RPRML: variants seen among roughly 807,000 people sequenced by gnomAD.
RPRML encodes the protein reprimo-like protein.
RPRML carries 4 observed loss-of-function variants against 5.2 expected under a neutral mutation model. The observed-to-expected ratio is 0.77, with a 90% CI of 0.38 to 1.76. The LOEUF (loss-of-function observed/expected upper bound fraction) is 1.76, where lower values mean the gene tolerates loss of function less well. Among genes scored for constraint, RPRML ranks in the 40% most tolerant of loss-of-function variants. The probability of loss-of-function intolerance (pLI) is 0.04; values close to 1 mark genes in which losing one functional copy is unlikely to be tolerated. For synonymous variants in RPRML, 79 were observed against 89.1 expected (o/e 0.89, Z 0.64); for missense variants, 181 against 177.7 (o/e 1.02, Z -0.11).
Position 46,978,876 on chromosome 17 carries a change from CG to C in RPRML, c.131del (p.Pro44ArgfsTer55). 1 of 1,559,524 alleles carries C rather than the reference CG, an allele frequency of 6.4e-7. No homozygotes were observed. The highest frequency in any genetic ancestry group is 8.6e-7 in the Non-Finnish European group (1 of 1,156,372). ...TWLGCCPGGA[P>X]LAASDGVPAG... Reference sequence around the variant, plus strand: ...CGGGGACCCCGTCGCTGGCGGCCAGCGGTGCGCCCCCTGGACAGCAGCCCAG... The same window carrying C: ...CGGGGACCCCGTCGCTGGCGGCCAGCGTGCGCCCCCTGGACAGCAGCCCAG... On this transcript the variant is annotated frameshift_variant, in exon 1 of 1. Transcript: ENST00000322329. LOFTEE classifies it high-confidence loss of function.
Position 46,979,170 on chromosome 17 carries a change from T to G in RPRML, c.-163A>C. ...GCTGCCTGCGCGCTCTCGGGCCGCC[T>G]ACCCCTGGGCACCGGGCGGGAAGCG... On this transcript the variant is annotated 5_prime_UTR_variant, in exon 1 of 1. Transcript: ENST00000322329. 2 of 719,318 alleles carry G rather than the reference T, an allele frequency of 2.8e-6. No individual in the cohort carries two copies. Among genetic ancestry groups the G allele is most frequent in the Non-Finnish European group, 4.0e-6 (2 of 500,924 alleles). 44.6% of individuals were successfully genotyped at this position (719,318 alleles called of 1,614,324 possible).
At position 46,979,065 on chromosome 17, in the gene RPRML, G is replaced by C; in HGVS notation, c.-58C>G. The C allele has an allele frequency of 7.5e-7, 1 of 1,325,738 alleles. No individual in the cohort carries two copies. Among genetic ancestry groups the C allele is most frequent in the East Asian group, 3.2e-5 (1 of 31,542 alleles). The allele number at this position is 1,325,738 out of a possible 1,614,324, so 82.1% of individuals were successfully genotyped here. A position where few individuals can be genotyped will look rare whatever the true frequency, so the allele number is the denominator to read the frequency against. ...TCCCGGGTGCACTGGGCTGCTCGCC[G>C]GGGTCCGCGCTCTCAGGGACGCTCC... is the stretch of plus-strand genomic sequence containing the variant. On this transcript the variant is annotated 5_prime_UTR_variant, in exon 1 of 1. Transcript: ENST00000322329.
In RPRML at chr17:46,978,665, C is replaced by T. The variant is rs2091465760; in HGVS notation, c.343G>A (p.Ala115Thr). 6.2e-7 allele frequency: 1 copy of T among 1,608,178 alleles called. No homozygotes were observed. The highest frequency in any genetic ancestry group is 8.5e-7 in the Non-Finnish European group (1 of 1,177,920). ...GGCGCTCAGTACAGCCCCAGGATGG[C>T]TGCGCCCACGTCCTTGGAGGGCCGG... is the stretch of plus-strand genomic sequence containing the variant. ...ERRPSKDVGAAILGLY is the reference protein window; with the variant it reads ...ERRPSKDVGATILGLY Residue 115 changes from alanine to threonine, a missense_variant, in exon 1 of 1, where the codon GCC becomes ACC. By Grantham distance (58) the Ala-to-Thr change is moderately conservative. Transcript: ENST00000322329.
rs2091469723 is a variant in RPRML, at chr17:46,979,000, G to A, written c.8C>T (p.Ala3Val). 4 of 1,413,338 alleles carry A rather than the reference G, an allele frequency of 2.8e-6. No homozygotes were observed. Among genetic ancestry groups the A allele is most frequent in the South Asian group, 1.5e-5 (1 of 66,974 alleles). 87.5% of individuals were successfully genotyped at this position (1,413,338 alleles called of 1,614,324 possible). A position where few individuals can be genotyped will look rare whatever the true frequency, so the allele number is the denominator to read the frequency against. Residue 3 changes from alanine (A) to valine (V), a missense_variant, in exon 1 of 1, where the codon GCG (alanine) becomes GTG (valine). Physicochemically the swap from Ala to Val is moderately conservative, Grantham distance 64. Transcript: ENST00000322329. Reference protein sequence around the residue: MNATFLNHSGLEE... With the variant: MNVTFLNHSGLEE... Reference sequence around the variant, plus strand: ...CAAGCCGCTGTGGTTCAGGAAGGTCGCGTTCATCGCCGCGCGGCGCCGGGG... The same window carrying A: ...CAAGCCGCTGTGGTTCAGGAAGGTCACGTTCATCGCCGCGCGGCGCCGGGG...
rs1410262671 is a variant in RPRML, at chr17:46,978,818, C to A, written c.190G>T (p.Val64Leu). 2.5e-6 allele frequency: 4 copies of A among 1,609,524 alleles called. No individual in the cohort carries two copies. The highest frequency in any genetic ancestry group is 3.4e-6 in the Non-Finnish European group (4 of 1,178,624). Residue 64 changes from valine to leucine, a missense_variant, in exon 1 of 1, where the codon GTG becomes TTG. Coordinates refer to ENST00000322329, the MANE Select transcript of RPRML (RefSeq NM_203400.5). ...GLAPDERSLWVSRVAQIAVLC... is the reference protein window; with the variant it reads ...GLAPDERSLWLSRVAQIAVLC... ...ACGGCGATCTGCGCCACCCGCGACA[C>A]CCACAGGCTGCGCTCGTCGGGCGCC... is the stretch of plus-strand genomic sequence containing the variant.
At position 46,979,199 on chromosome 17, in the gene RPRML, G is replaced by T. The variant is rs2091471587; in HGVS notation, c.-192C>A. The T allele has an allele frequency of 4.2e-6, 2 of 477,764 alleles. No individual in the cohort carries two copies. The highest frequency in any genetic ancestry group is 6.8e-5 in the South Asian group (1 of 14,730). 29.6% of individuals were successfully genotyped at this position (477,764 alleles called of 1,614,324 possible). A position where few individuals can be genotyped will look rare whatever the true frequency, so the allele number is the denominator to read the frequency against. ...CCTGGGCACCGGGCGGGAAGCGACC[G>T]CCCGGAGGAGCGAGCAACAGGCGGC... On this transcript the variant is annotated 5_prime_UTR_variant, in exon 1 of 1. Coordinates refer to ENST00000322329, the MANE Select transcript of RPRML (RefSeq NM_203400.5).
rs1433706584 is a variant in RPRML, at chr17:46,978,951, G to A, written c.57C>T (p.Gly19=). 3.4e-6 allele frequency: 5 copies of A among 1,452,620 alleles called. No homozygotes were observed. Among genetic ancestry groups the A allele is most frequent in the South Asian group, 1.3e-5 (1 of 74,182 alleles). The allele number at this position is 1,452,620 out of a possible 1,614,324, so 90.0% of individuals were successfully genotyped here. A position where few individuals can be genotyped will look rare whatever the true frequency, so the allele number is the denominator to read the frequency against. Residue 19 remains glycine (G), a synonymous_variant, in exon 1 of 1, where the codon GGC becomes GGT. Coordinates refer to ENST00000322329, the MANE Select transcript of RPRML (RefSeq NM_203400.5). ...SGLEEVDGVG[G]GAGAALGNRT... is the part of the protein sequence containing the mutation. Reference sequence around the variant, plus strand: ...GGTTTCCCAGGGCGGCCCCGGCGCCGCCGCCCACGCCGTCCACCTCCTCCA... The same window carrying A: ...GGTTTCCCAGGGCGGCCCCGGCGCCACCGCCCACGCCGTCCACCTCCTCCA...
chr17:46,978,570 A>T lies in RPRML; in HGVS notation c.*75T>A, dbSNP rs1180397405. On this transcript the variant is annotated 3_prime_UTR_variant, in exon 1 of 1. Coordinates refer to ENST00000322329, the MANE Select transcript of RPRML (RefSeq NM_203400.5). ...CCGCCCGGAGGCGGCGGCAGAGCGC[A>T]GAGAGCGGGGCGAGGGTCCGGGTCT... 1.3e-6 allele frequency: 2 copies of T among 1,487,458 alleles called. No individual in the cohort carries two copies. The highest frequency in any genetic ancestry group is 5.3e-5 in the East Asian group (2 of 37,470). 92.1% of individuals were successfully genotyped at this position (1,487,458 alleles called of 1,614,324 possible).
Position 46,979,125 on chromosome 17 carries a change from G to A in RPRML, c.-118C>T, listed in dbSNP as rs1451580942. On this transcript the variant is annotated 5_prime_UTR_variant, in exon 1 of 1. Transcript: ENST00000322329. ...GGACCGGCTCCTGCGGTACGGGGAG[G>A]GGACGAAGGCGGGAGGCTGGCTGCC... 1.8e-6 allele frequency: 2 copies of A among 1,108,710 alleles called. No homozygotes were observed. Among genetic ancestry groups the A allele is most frequent in the Non-Finnish European group, 2.3e-6 (2 of 856,082 alleles). 68.7% of individuals were successfully genotyped at this position (1,108,710 alleles called of 1,614,324 possible).
chr17:46,978,674 C>A lies in RPRML; in HGVS notation c.334G>T (p.Val112Leu). Reference sequence around the variant, plus strand: ...TACAGCCCCAGGATGGCTGCGCCCACGTCCTTGGAGGGCCGGCGCTCCTGC... The same window carrying A: ...TACAGCCCCAGGATGGCTGCGCCCAAGTCCTTGGAGGGCCGGCGCTCCTGC... ...LVQERRPSKD[V>L]GAAILGLY is the part of the protein sequence containing the mutation. Residue 112 changes from valine to leucine, a missense_variant, in exon 1 of 1, where the codon GTG (valine) becomes TTG (leucine). Transcript: ENST00000322329. The A allele has an allele frequency of 1.9e-6, 3 of 1,609,482 alleles. No homozygotes were observed. Among genetic ancestry groups the A allele is most frequent in the East Asian group, 4.5e-5 (2 of 44,708 alleles).
chr17:46,978,935 G>T lies in RPRML; in HGVS notation c.73C>A (p.Leu25Met), dbSNP rs79497126. 0.11 allele frequency: 157,818 copies of T among 1,456,530 alleles called. 9,276 individuals carry two copies. Among genetic ancestry groups the T allele is most frequent in the South Asian group, 0.21 (15,777 of 74,256 alleles). 90.2% of individuals were successfully genotyped at this position (1,456,530 alleles called of 1,614,324 possible). The change falls in exon 1 of 1, where the codon CTG becomes ATG. Residue 25 changes from leucine (L) to methionine (M), a missense_variant. Physicochemically the swap from Leu to Met is conservative, Grantham distance 15. Transcript: ENST00000322329. ...DGVGGGAGAALGNRTHGLGTW... is the reference protein window; with the variant it reads ...DGVGGGAGAAMGNRTHGLGTW... The stretch of plus-strand genomic sequence containing the variant: ...CCCAGCCCGTGGGTGCGGTTTCCCA[G>T]GGCGGCCCCGGCGCCGCCGCCCACG...
Position 46,978,669 on chromosome 17 carries a change from G to A in RPRML, c.339C>T (p.Gly113=), listed in dbSNP as rs1433193596. ...CTCAGTACAGCCCCAGGATGGCTGC[G>A]CCCACGTCCTTGGAGGGCCGGCGCT... ...VQERRPSKDV[G]AAILGLY is the part of the protein sequence containing the mutation. The change falls in exon 1 of 1, where the codon GGC becomes GGT. Residue 113 remains glycine (G), a synonymous_variant. Coordinates refer to ENST00000322329, the MANE Select transcript of RPRML (RefSeq NM_203400.5). The A allele has an allele frequency of 1.2e-6, 2 of 1,608,690 alleles. No homozygotes were observed. The highest frequency in any genetic ancestry group is 1.3e-5 in the African/African-American group (1 of 74,708).
rs971626367 is a variant in RPRML, at chr17:46,979,136, G to T, written c.-129C>A. 3 of 1,036,672 alleles carry T rather than the reference G, an allele frequency of 2.9e-6. No homozygotes were observed. In the African/African-American group the frequency reaches 5.1e-5, roughly 18 times the overall value. 64.2% of individuals were successfully genotyped at this position (1,036,672 alleles called of 1,614,324 possible). On this transcript the variant is annotated 5_prime_UTR_variant, in exon 1 of 1. Coordinates refer to ENST00000322329, the MANE Select transcript of RPRML (RefSeq NM_203400.5). ...TGCGGTACGGGGAGGGGACGAAGGC[G>T]GGAGGCTGGCTGCCTGCGCGCTCTC...
In RPRML at chr17:46,978,756, G is replaced by A; in HGVS notation, c.252C>T (p.Val84=). 1.2e-6 allele frequency: 2 copies of A among 1,612,728 alleles called. No homozygotes were observed. The highest frequency in any genetic ancestry group is 2.2e-5 in the East Asian group (1 of 44,840). Reference sequence around the variant, plus strand: ...TGAGCAGGTTGCAGCCCAGGAAGAAGACGCCGAAGACCACGGTAAGCGACA... The same window carrying A: ...TGAGCAGGTTGCAGCCCAGGAAGAAAACGCCGAAGACCACGGTAAGCGACA... ...CVLSLTVVFG[V]FFLGCNLLIK... is the part of the protein sequence containing the mutation. Residue 84 remains valine (V), a synonymous_variant, in exon 1 of 1, where the codon GTC becomes GTT. Transcript: ENST00000322329.
In RPRML at chr17:46,978,870, G is replaced by A. The variant is rs765515904; in HGVS notation, c.138C>T (p.Ala46=). The change falls in exon 1 of 1, where the codon GCC becomes GCT. Residue 46 remains alanine, a synonymous_variant. Coordinates refer to ENST00000322329, the MANE Select transcript of RPRML (RefSeq NM_203400.5). ...GCCCCGCGGGGACCCCGTCGCTGGCGGCCAGCGGTGCGCCCCCTGGACAGC... is the reference window on the plus strand; with the variant it reads ...GCCCCGCGGGGACCCCGTCGCTGGCAGCCAGCGGTGCGCCCCCTGGACAGC... The part of the protein sequence containing the change: ...LGCCPGGAPL[A]ASDGVPAGLA... The A allele has an allele frequency of 1.3e-6, 2 of 1,567,120 alleles. No homozygotes were observed. The highest frequency in any genetic ancestry group is 2.7e-5 in the African/African-American group (2 of 73,172).
chr17:46,978,510 G>A lies in RPRML; in HGVS notation c.*135C>T. The A allele has an allele frequency of 1.9e-6, 2 of 1,068,394 alleles. No individual in the cohort carries two copies. The highest frequency in any genetic ancestry group is 2.6e-6 in the Non-Finnish European group (2 of 773,778). 66.2% of individuals were successfully genotyped at this position (1,068,394 alleles called of 1,614,324 possible). A position where few individuals can be genotyped will look rare whatever the true frequency, so the allele number is the denominator to read the frequency against. The stretch of plus-strand genomic sequence containing the variant: ...CCGCGCCCCCGCCGACAGTCTCGCC[G>A]CGTCCCCGCCCGGGCGCCCCAGGCA... On this transcript the variant is annotated 3_prime_UTR_variant, in exon 1 of 1. Transcript: ENST00000322329.
In RPRML at chr17:46,979,055, G is replaced by C. The variant is rs1190042497; in HGVS notation, c.-48C>G. On this transcript the variant is annotated 5_prime_UTR_variant, in exon 1 of 1. Coordinates refer to ENST00000322329, the MANE Select transcript of RPRML (RefSeq NM_203400.5). ...CGGCGCGCAGTCCCGGGTGCACTGG[G>C]CTGCTCGCCGGGGTCCGCGCTCTCA... is the stretch of plus-strand genomic sequence containing the variant. 1 of 1,335,304 alleles carries C rather than the reference G, an allele frequency of 7.5e-7. No individual in the cohort carries two copies. Among genetic ancestry groups the C allele is most frequent in the African/African-American group, 1.5e-5 (1 of 64,526 alleles). The allele number at this position is 1,335,304 out of a possible 1,614,324, so 82.7% of individuals were successfully genotyped here.
rs1434428992 is a variant in RPRML at position 46,978,621 on chromosome 17, G to C, written c.*24C>G. On this transcript the variant is annotated 3_prime_UTR_variant, in exon 1 of 1. Coordinates refer to ENST00000322329, the MANE Select transcript of RPRML (RefSeq NM_203400.5). ...CCGGGGTCCTTCTTGCAGCAGCGCT[G>C]GCGAGGGCGGACCCAGATGGCGCTC... 6.4e-7 allele frequency: 1 copy of C among 1,564,114 alleles called. No homozygotes were observed. Among genetic ancestry groups the C allele is most frequent in the African/African-American group, 1.4e-5 (1 of 71,904 alleles).
Position 46,978,682 on chromosome 17 carries a change from G to A in RPRML, c.326C>T (p.Ser109Phe). 1 of 1,610,734 alleles carries A rather than the reference G, an allele frequency of 6.2e-7. No individual in the cohort carries two copies. Among genetic ancestry groups the A allele is most frequent in the Non-Finnish European group, 8.5e-7 (1 of 1,178,938 alleles). ...CAGGATGGCTGCGCCCACGTCCTTG[G>A]AGGGCCGGCGCTCCTGCACCAGAAA... ...INFLVQERRP[S>F]KDVGAAILGL... The change falls in exon 1 of 1, where the codon TCC becomes TTC. Residue 109 changes from serine to phenylalanine, a missense_variant. Transcript: ENST00000322329.
Sources: gnomAD v4.1 joint callset for allele counts on GRCh38, gnomAD v4.1.1 for gene constraint, MANE v1.5 for transcripts, NCBI Gene and HGNC (gene_info 2026-07-23, HGNC 2026-07-21) for gene names.